Variants in MACROD2 observed in about 807,000 individuals in gnomAD.
MACROD2 encodes ADP-ribose glycohydrolase MACROD2.
In MACROD2, 36 loss-of-function variants were observed where a neutral mutation model predicts 70.4. The ratio of observed to expected loss-of-function variants is 0.51; its 90% CI spans 0.39 to 0.68. The LOEUF is 0.68. Among genes scored for constraint, MACROD2 ranks in the 30% least tolerant of loss-of-function variants. MACROD2 has a pLI of 0.00. For synonymous variants in MACROD2, 172 were observed against 178.8 expected, an observed-to-expected ratio of 0.96 and a Z score of 0.30; for missense variants, 496 against 538.4, an observed-to-expected ratio of 0.92 and a Z score of 0.78.
At chr20:14,407,694 C>T (rs1255172192) in intron 3 of MACROD2, among the ~76,000 whole-genome samples, 1 of 152,098 alleles carries the variant, frequency 6.6e-6, no homozygotes, top group Admixed American at 6.6e-5. Context: ...CTACCAATGT[C>T]TTAGCTGGAT....
chr20:15,754,876 T>TG (rs2051325783), intron 8 of MACROD2, among the ~76,000 whole-genome samples: 1 of 151,594 alleles, frequency 6.6e-6, no homozygotes, highest in Non-Finnish European at 1.5e-5. Flanking sequence ...TTTTTTTTTT[T>TG]GCAATGGAAT....
intron 3 of MACROD2, among the ~76,000 whole-genome samples, chr20:14,315,771 A>G (rs1179795454): frequency 1.3e-5 from 2 of 152,188 alleles, no homozygotes; most frequent in Non-Finnish European, 2.9e-5. Context: ...TTTTAAAACA[A>G]TTAGGGGATT....
intron 3 of MACROD2, among the ~76,000 whole-genome samples, chr20:14,441,266 A>G (rs1028489276): frequency 6.6e-6 from 1 of 152,080 alleles, no homozygotes; most frequent in Admixed American, 6.6e-5. Flanking sequence ...CTCCTGGAGG[A>G]TGAGAGGCCA....
intron 5 of MACROD2, among the ~76,000 whole-genome samples, chr20:14,912,329 C>A (rs914260509): frequency 1.3e-5 from 2 of 152,186 alleles, no homozygotes; most frequent in African/African-American, 4.8e-5. Context: ...ATAACAAATG[C>A]TCTTATGGAT....
intron 5 of MACROD2, among the ~76,000 whole-genome samples, chr20:14,883,583 A>T (rs1470598085): frequency 1.5e-5 from 2 of 133,166 alleles, no homozygotes; most frequent in African/African-American, 5.9e-5. Flanking sequence ...TGAACTGTCT[A>T]TATCTGACTC....
intron 8 of MACROD2, among the ~76,000 whole-genome samples, chr20:15,679,673 CCA>C (rs1236043213): frequency 1.3e-5 from 2 of 152,138 alleles, no homozygotes; most frequent in African/African-American, 2.4e-5. Context: ...TGTGGAAAGA[CCA>C]CACAGAGGGA....
At chr20:15,748,927 CA>C (rs1276106545) in intron 8 of MACROD2, among the ~76,000 whole-genome samples, 2 of 152,016 alleles carry the variant, frequency 1.3e-5, no homozygotes, top group Non-Finnish European at 2.9e-5. Context: ...TAACTTTGGA[CA>C]AGTCAGTGAA....
At position 14,689,779 on chromosome 20, in the gene MACROD2, A is replaced by G. The variant is rs143265773; in HGVS notation, c.418+4820A>G. 2.0e-3 allele frequency among the ~76,000 whole-genome samples: 299 copies of G among 152,290 alleles called. 1 individual carries two copies. Among genetic ancestry groups the G allele is most frequent in the Non-Finnish European group, 3.4e-3 (230 of 68,018 alleles). On this transcript the variant is annotated intron_variant, in intron 5 of 17. Coordinates refer to ENST00000684519, the MANE Select transcript of MACROD2 (RefSeq NM_001351661.2). ...TACTTCATGTTAACATACTGAGGGC[A>G]CTTGTCACGTGCTACCTTTTATTGT...
At chr20:14,865,416 C>G (rs1430607695) in intron 5 of MACROD2, among the ~76,000 whole-genome samples, 3 of 151,860 alleles carry the variant, frequency 2.0e-5, no homozygotes, top group Admixed American at 6.6e-5. Context: ...CTCCTATTAC[C>G]TATAAACCAA....
intron 5 of MACROD2, among the ~76,000 whole-genome samples, chr20:15,224,413 G>A (rs1321083376): frequency 2.0e-5 from 3 of 152,122 alleles, no homozygotes; most frequent in Non-Finnish European, 4.4e-5. Context: ...ACCTTGAGAG[G>A]AACTTACTCA....
At chr20:15,665,422 T>C (rs1362839030) in intron 8 of MACROD2, among the ~76,000 whole-genome samples, 1 of 152,152 alleles carries the variant, frequency 6.6e-6, no homozygotes, top group Non-Finnish European at 1.5e-5. Flanking sequence ...AAACTACCTA[T>C]ATCCACACAA....
chr20:15,991,779 A>G (rs2066562324), intron 15 of MACROD2, among the ~76,000 whole-genome samples: 1 of 152,086 alleles, frequency 6.6e-6, no homozygotes, highest in South Asian at 2.1e-4. Flanking sequence ...CTTCTTTTTT[A>G]ATAATATTTT....
At chr20:15,906,540 A>C (rs895693439) in intron 10 of MACROD2, among the ~76,000 whole-genome samples, 1 of 151,982 alleles carries the variant, frequency 6.6e-6, no homozygotes, top group Non-Finnish European at 1.5e-5. Flanking sequence ...TATCACTACT[A>C]TCTAATTTTC....
At chr20:14,031,696 A>G (rs1170210661) in intron 2 of MACROD2, among the ~76,000 whole-genome samples, 2 of 152,180 alleles carry the variant, frequency 1.3e-5, no homozygotes, top group Non-Finnish European at 2.9e-5. Flanking sequence ...ATTATAAAGC[A>G]TTAAAAAGAT....
chr20:14,571,473 C>G (rs906928819), intron 4 of MACROD2, among the ~76,000 whole-genome samples: 3 of 152,016 alleles, frequency 2.0e-5, no homozygotes, highest in Non-Finnish European at 4.4e-5. Flanking sequence ...ATATATATCA[C>G]TTGTAATTAA....
At chr20:14,321,502 G>A (rs1568553594) in intron 3 of MACROD2, among the ~76,000 whole-genome samples, 2 of 152,250 alleles carry the variant, frequency 1.3e-5, no homozygotes, top group East Asian at 1.9e-4. Flanking sequence ...CAAAAAGTAC[G>A]GTGTTTGTAA....
intron 3 of MACROD2, among the ~76,000 whole-genome samples, chr20:14,124,701 T>C (rs1014499807): frequency 6.6e-6 from 1 of 152,098 alleles, no homozygotes; most frequent in Non-Finnish European, 1.5e-5. Context: ...CTGGTAGGAA[T>C]GTAAAATGGT....
At chr20:15,583,508 G>A (rs975923940) in intron 8 of MACROD2, among the ~76,000 whole-genome samples, 3 of 152,160 alleles carry the variant, frequency 2.0e-5, no homozygotes, top group Non-Finnish European at 4.4e-5. Context: ...AATCTCCTAC[G>A]TAATCTTCCA....
At chr20:14,091,114 GT>G (rs372132598) in intron 3 of MACROD2, among the ~76,000 whole-genome samples, 19 of 152,126 alleles carry the variant, frequency 1.2e-4, no homozygotes, top group African/African-American at 4.1e-4. Context: ...TTGCTGTTGA[GT>G]TCTTTAAGTT....
Sources: allele counts gnomAD v4.1 joint callset (sites outside exome capture counted in the v4.1 genomes callset), GRCh38; gene constraint gnomAD v4.1.1; transcripts MANE v1.5; gene names NCBI Gene and HGNC (gene_info 2026-07-23, HGNC 2026-07-21).